Variants in TIPARP observed in about 807,000 individuals in gnomAD.
TIPARP encodes the protein protein mono-ADP-ribosyltransferase TIPARP.
Under a neutral mutation model 56.5 loss-of-function variants are expected in TIPARP, and 12 were observed. The observed-to-expected ratio is 0.21, with a 90% CI of 0.14 to 0.34. The LOEUF (loss-of-function observed/expected upper bound fraction) is 0.34, where lower values mean the gene tolerates loss of function less well. Among genes scored for constraint, TIPARP ranks in the 10% least tolerant of loss-of-function variants. The pLI is 1.00. For synonymous variants in TIPARP, 296 were observed against 265.7 expected (o/e 1.11, Z -1.11); for missense variants, 604 against 781.6 (o/e 0.77, Z 2.71).
At chr3:156,699,266 G>C (rs1023237096) in intron 4 of TIPARP, among the ~76,000 whole-genome samples, 1 of 152,218 alleles carries the variant, frequency 6.6e-6, no homozygotes, top group African/African-American at 2.4e-5. Flanking sequence ...TTTGAAAGAA[G>C]TTCTGCGGGT....
At chr3:156,680,074 T>G (rs892280901) in intron 2 of TIPARP, among the ~76,000 whole-genome samples, 2 of 152,156 alleles carry the variant, frequency 1.3e-5, no homozygotes, top group South Asian at 4.1e-4. Flanking sequence ...AGACTAGAAC[T>G]TTGCATCTTG....
intron 4 of TIPARP, among the ~76,000 whole-genome samples, chr3:156,699,907 A>C (rs867188751): frequency 1.3e-5 from 2 of 152,162 alleles, no homozygotes; most frequent in Non-Finnish European, 2.9e-5. Flanking sequence ...GGGTAAATGC[A>C]GTGATCCTAT....
At position 156,705,223 on chromosome 3, in the gene TIPARP, T is replaced by A; in HGVS notation, c.*92T>A. 1.2e-6 allele frequency: 1 copy of A among 819,020 alleles called. No individual in the cohort carries two copies. Among genetic ancestry groups the A allele is most frequent in the Non-Finnish European group, 1.8e-6 (1 of 543,642 alleles). The allele number at this position is 819,020 out of a possible 1,614,324, so 50.7% of individuals were successfully genotyped here. ...GGTGGGACTGGGTGGGGAACAGCAT[T>A]GGACATTAATAGGGCACTTTTCAGA... On this transcript the variant is annotated 3_prime_UTR_variant, in exon 6 of 6. Coordinates refer to ENST00000295924, the MANE Select transcript of TIPARP (RefSeq NM_015508.5).
chr3:156,695,299 G>C (rs1722684657), intron 3 of TIPARP, among the ~76,000 whole-genome samples: 2 of 151,900 alleles, frequency 1.3e-5, no homozygotes, highest in Admixed American at 6.6e-5. Flanking sequence ...CTATAATCTT[G>C]AACTCCTGGG....
At chr3:156,680,325 A>AATTTTATT (rs1306933480) in intron 2 of TIPARP, among the ~76,000 whole-genome samples, 2 of 152,174 alleles carry the variant, frequency 1.3e-5, no homozygotes, top group Non-Finnish European at 2.9e-5. Flanking sequence ...ATTGGAAGAG[A>AATTTTATT]AAAATGTTTT....
At chr3:156,695,474 C>G (rs970536556) in intron 3 of TIPARP, among the ~76,000 whole-genome samples, 6 of 152,046 alleles carry the variant, frequency 3.9e-5, no homozygotes, top group Non-Finnish European at 8.8e-5. Flanking sequence ...CTTTCTCTGC[C>G]TCCCAAAGCG....
Position 156,674,996 on chromosome 3 carries a change from C to T in TIPARP, c.-42+200C>T, listed in dbSNP as rs1021057185. The T allele has an allele frequency of 6.6e-4, 101 of 152,504 alleles. 1 individual carries two copies. The highest frequency in any genetic ancestry group is 2.1e-3 in the African/African-American group (86 of 41,588). The allele number at this position is 152,504 out of a possible 1,614,324, so 9.4% of individuals were successfully genotyped here. On this transcript the variant is annotated intron_variant, in intron 1 of 5. Coordinates refer to ENST00000295924, the MANE Select transcript of TIPARP (RefSeq NM_015508.5). ...TCAGCATGAAGATGGAATTGGTTTA[C>T]ACTTCTTAGGCACTTAGAGCCTGTG... is the stretch of plus-strand genomic sequence containing the variant.
rs145937401 is a variant in TIPARP at position 156,704,724 on chromosome 3, A to G, written c.1567A>G (p.Arg523Gly). The G allele has an allele frequency of 1.2e-6, 2 of 1,614,198 alleles. No homozygotes were observed. The highest frequency in any genetic ancestry group is 8.5e-7 in the Non-Finnish European group (1 of 1,180,012). Residue 523 changes from arginine (R) to glycine (G), a missense_variant, in exon 6 of 6, where the codon AGG (arginine) becomes GGG (glycine). Transcript: ENST00000295924. ...GAACAGGAAAATGTTTGGCCGTGACAGGATAATAAATGAGAGACATTTATT... is the reference window on the plus strand; with the variant it reads ...GAACAGGAAAATGTTTGGCCGTGACGGGATAATAAATGAGAGACATTTATT... The part of the protein sequence containing the change: ...YMNRKMFGRD[R>G]IINERHLFHG...
intron 2 of TIPARP, among the ~76,000 whole-genome samples, chr3:156,679,673 T>C (rs1428001105): frequency 6.6e-6 from 1 of 152,216 alleles, no homozygotes; most frequent in African/African-American, 2.4e-5. Context: ...TGGCCTGGTA[T>C]AGTACTGAGA....
intron 3 of TIPARP, 39 bp from the exon 4 acceptor site, chr3:156,695,826 C>CATT: frequency 9.7e-7 from 1 of 1,030,334 alleles, no homozygotes; most frequent in Non-Finnish European, 1.2e-6. Context: ...ATTAACTTTC[C>CATT]TTTTTTTTTT....
intron 2 of TIPARP, among the ~76,000 whole-genome samples, chr3:156,690,268 A>C (rs185598212): frequency 6.6e-6 from 1 of 152,068 alleles, no homozygotes; most frequent in African/African-American, 2.4e-5. Flanking sequence ...TTGCATTCCA[A>C]CTGTTTATTA....
chr3:156,687,468 CAA>C (rs1370764089), intron 2 of TIPARP, among the ~76,000 whole-genome samples: 3 of 152,112 alleles, frequency 2.0e-5, no homozygotes, highest in Non-Finnish European at 4.4e-5. Flanking sequence ...GCCAGCATAA[CAA>C]TATTTTAGTA....
At chr3:156,680,915 G>C (rs939934602) in intron 2 of TIPARP, among the ~76,000 whole-genome samples, 1 of 152,184 alleles carries the variant, frequency 6.6e-6, no homozygotes, top group African/African-American at 2.4e-5. Context: ...TACATTGTTA[G>C]TGGTAATAAG....
chr3:156,694,321 T>C (rs1308363747), intron 3 of TIPARP, 133 bp downstream of exon 3: 2 of 700,766 alleles, frequency 2.9e-6, no homozygotes, highest in East Asian at 6.6e-5. Flanking sequence ...GAATATAAAA[T>C]TGAGTCTCAT....
Position 156,677,747 on chromosome 3 carries a change from C to T in TIPARP, c.50C>T (p.Pro17Leu), listed in dbSNP as rs956152938. ...EPEPDCVVQP[P>L]SPPDDFSCQM... is the part of the protein sequence containing the mutation. ...GAGCCAGACTGTGTAGTGCAGCCTC[C>T]CTCTCCTCCTGATGACTTTTCATGC... The change falls in exon 2 of 6, where the codon CCC becomes CTC. Residue 17 changes from proline to leucine, a missense_variant. Pro to Leu is a moderately conservative substitution (Grantham distance 98, BLOSUM62 -3). Around this residue, in one of 4 missense-constraint regions of TIPARP, gnomAD observed 261 missense variants for 279.2 expected, o/e 0.93. Coordinates refer to ENST00000295924, the MANE Select transcript of TIPARP (RefSeq NM_015508.5). 2.5e-6 allele frequency: 4 copies of T among 1,613,198 alleles called. No individual in the cohort carries two copies. The highest frequency in any genetic ancestry group is 3.4e-6 in the Non-Finnish European group (4 of 1,179,772).
At position 156,678,507 on chromosome 3, in the gene TIPARP, C is replaced by G. The variant is rs781670937; in HGVS notation, c.810C>G (p.Ile270Met). The change falls in exon 2 of 6, where the codon ATC becomes ATG. Residue 270 changes from isoleucine (I) to methionine (M), a missense_variant. Coordinates refer to ENST00000295924, the MANE Select transcript of TIPARP (RefSeq NM_015508.5). ...CTGTCTTGCCATATCATTGGCAGAT[C>G]AAAAGGACAACTACTCAAAAGTGGC... ...HHTVLPYHWQ[I>M]KRTTTQKWQS... is the part of the protein sequence containing the mutation. 3 of 1,614,102 alleles carry G rather than the reference C, an allele frequency of 1.9e-6. No homozygotes were observed. The highest frequency in any genetic ancestry group is 1.7e-6 in the Non-Finnish European group (2 of 1,180,020).
Position 156,677,929 on chromosome 3 carries a change from C to G in TIPARP, c.232C>G (p.Gln78Glu), listed in dbSNP as rs1722189758. ...TGATGGGGTTTTTAGATCTAGGAACCAGAGTACAGATGAGAACAGCTTACA... is the reference window on the plus strand; with the variant it reads ...TGATGGGGTTTTTAGATCTAGGAACGAGAGTACAGATGAGAACAGCTTACA... The part of the protein sequence containing the change: ...SLDGVFRSRN[Q>E]STDENSLHEP... The change falls in exon 2 of 6, where the codon CAG becomes GAG. Residue 78 changes from glutamine to glutamate, a missense_variant. This residue lies in a region of TIPARP where 261 missense variants were observed against 279.2 expected (regional missense o/e 0.93). Transcript: ENST00000295924. 6.2e-7 allele frequency: 1 copy of G among 1,614,106 alleles called. No homozygotes were observed. Among genetic ancestry groups the G allele is most frequent in the Non-Finnish European group, 8.5e-7 (1 of 1,180,020 alleles).
intron 2 of TIPARP, among the ~76,000 whole-genome samples, chr3:156,687,312 A>G (rs1255891760): frequency 1.3e-5 from 2 of 152,212 alleles, no homozygotes; most frequent in Non-Finnish European, 2.9e-5. Flanking sequence ...ACACTACCAT[A>G]AATAGATGGC....
intron 3 of TIPARP, 84 bp downstream of exon 3, chr3:156,694,272 A>G (rs1722654568): frequency 4.7e-6 from 6 of 1,288,158 alleles, no homozygotes; most frequent in Non-Finnish European, 4.2e-6. Flanking sequence ...CTTTACAACA[A>G]TGACTAGGCA....
Sources: gnomAD v4.1 joint callset for allele counts (sites outside exome capture counted in the v4.1 genomes callset) on GRCh38, gnomAD v4.1.1 for gene constraint, gnomAD v4.1.1 regional missense constraint, MANE v1.5 for transcripts, NCBI Gene and HGNC (gene_info 2026-07-23, HGNC 2026-07-21) for gene names.